Variants in PANK2 observed in about 807,000 individuals in gnomAD.
PANK2 encodes pantothenate kinase 2, mitochondrial.
PANK2 carries 36 observed loss-of-function variants against 43.1 expected under a neutral mutation model. The observed-to-expected ratio is 0.84, with a 90% CI of 0.64 to 1.10. PANK2 has a LOEUF of 1.10. PANK2 is among the 50% of genes least tolerant of loss of function. The probability of loss-of-function intolerance (pLI) is 0.00; values close to 1 mark genes in which losing one functional copy is unlikely to be tolerated. For synonymous variants in PANK2, 281 were observed against 238.2 expected (o/e 1.18, Z -1.66); for missense variants, 576 against 593.3 (o/e 0.97, Z 0.30).
intron 1 of PANK2, among the ~76,000 whole-genome samples, chr20:3,895,703 T>G (rs1197867151): frequency 6.6e-6 from 1 of 152,162 alleles, no homozygotes; most frequent in East Asian, 1.9e-4. Flanking sequence ...TAAGACTGAC[T>G]GGGATGTGAA....
At chr20:3,913,051 G>A (rs961104480) in intron 4 of PANK2, among the ~76,000 whole-genome samples, 1 of 150,638 alleles carries the variant, frequency 6.6e-6, no homozygotes, top group East Asian at 2.0e-4. Context: ...GTACAATTTA[G>A]TGGTTTCTAG....
upstream of PANK2, chr20:3,889,056 G>C (rs1326179730): frequency 5.5e-6 from 8 of 1,466,304 alleles, no homozygotes; most frequent in Admixed American, 6.5e-5. Flanking sequence ...CCGCGGCCCG[G>C]GGGGGCAGAG....
intron 3 of PANK2, among the ~76,000 whole-genome samples, chr20:3,911,242 G>T (rs922044736): frequency 6.6e-6 from 1 of 152,206 alleles, no homozygotes; most frequent in South Asian, 2.1e-4. Flanking sequence ...TGATTTAGAA[G>T]TTGATATGTA....
chr20:3,914,075 C>T (rs568930131), intron 4 of PANK2, among the ~76,000 whole-genome samples: 5 of 152,118 alleles, frequency 3.3e-5, no homozygotes, highest in Admixed American at 6.6e-5. Context: ...AGGCGTGAGC[C>T]ACTGCGCCTG....
intron 1 of PANK2, among the ~76,000 whole-genome samples, chr20:3,897,576 C>T (rs1001753096): frequency 1.1e-4 from 16 of 152,026 alleles, no homozygotes; most frequent in African/African-American, 3.4e-4. Context: ...ACCTGTAGTC[C>T]AGCTACTTGG....
Position 3,889,582 on chromosome 20 carries a change from A to T in PANK2, c.152A>T (p.Glu51Val). The stretch of plus-strand genomic sequence containing the variant: ...GGGGACCCCGAAGGGCGGCGGCAGG[A>T]GCCACTGCGGCGCCGGGCGAGCAGC... Residue 51 changes from glutamate (E) to valine (V), a missense_variant, in exon 1 of 7, where the codon GAG (glutamate) becomes GTG (valine). Transcript: ENST00000610179. 3 of 1,482,114 alleles carry T rather than the reference A, an allele frequency of 2.0e-6. No homozygotes were observed. Among genetic ancestry groups the T allele is most frequent in the Non-Finnish European group, 2.7e-6 (3 of 1,124,086 alleles). 91.8% of individuals were successfully genotyped at this position (1,482,114 alleles called of 1,614,324 possible).
intron 1 of PANK2, chr20:3,890,047 G>C (rs1246717087): frequency 8.6e-6 from 7 of 812,590 alleles, no homozygotes; most frequent in African/African-American, 5.3e-5. Context: ...CCTCGAGAAG[G>C]CTTCTTTTGA....
Position 3,889,623 on chromosome 20 carries a change from G to A in PANK2, c.193G>A (p.Val65Ile). Residue 65 changes from valine to isoleucine, a missense_variant, in exon 1 of 7, where the codon GTC becomes ATC. Transcript: ENST00000610179. ...GGCGAGCAGCGCGTCGGTGCCCGCG[G>A]TCGGGGCCTCGGCTGAGGGCACGAG... The A allele has an allele frequency of 6.4e-7, 1 of 1,550,628 alleles. No individual in the cohort carries two copies. The highest frequency in any genetic ancestry group is 8.6e-7 in the Non-Finnish European group (1 of 1,157,742).
chr20:3,912,759 G>C (rs998334559), intron 4 of PANK2, 125 bp downstream of exon 4: 2 of 1,007,576 alleles, frequency 2.0e-6, no homozygotes, highest in Non-Finnish European at 2.9e-6. Context: ...AGACCAGCCT[G>C]GCCAACATAG....
upstream of PANK2, chr20:3,888,811 G>A (rs1371669483): frequency 7.1e-6 from 3 of 420,164 alleles, no homozygotes; most frequent in Non-Finnish European, 1.3e-5. Context: ...CTCCAACGCA[G>A]GCGGAAAGGA....
chr20:3,892,322 T>C (rs1355668702), intron 1 of PANK2, among the ~76,000 whole-genome samples: 1 of 142,310 alleles, frequency 7.0e-6, no homozygotes, highest in African/African-American at 2.6e-5. Context: ...GCAGCCTGTA[T>C]GATACAGTGA....
At chr20:3,893,931 G>GTTTTTTTTTTTT (rs374582085) in intron 1 of PANK2, among the ~76,000 whole-genome samples, 4 of 73,162 alleles carry the variant, frequency 5.5e-5, no homozygotes, top group Non-Finnish European at 6.2e-5. Context: ...TTTGTTTTTT[G>GTTTTTTTTTTTT]TTTTTTTTTT....
chr20:3,921,917 G>A (rs1473190774), intron 6 of PANK2: 2 of 152,096 alleles, frequency 1.3e-5, no homozygotes, highest in African/African-American at 4.8e-5. Context: ...TTGCCATATT[G>A]GCCAGGCTGG....
chr20:3,901,748 A>C (rs1429760538), intron 1 of PANK2: 1 of 310,776 alleles, frequency 3.2e-6, no homozygotes, highest in Non-Finnish European at 4.7e-6. Flanking sequence ...TTCATCTACC[A>C]ATTATGTTAG....
chr20:3,912,628 C>G lies in PANK2; in HGVS notation c.1076C>G (p.Ala359Gly). The G allele has an allele frequency of 6.2e-7, 1 of 1,613,906 alleles. No homozygotes were observed. The highest frequency in any genetic ancestry group is 8.5e-7 in the Non-Finnish European group (1 of 1,179,966). Residue 359 changes from alanine to glycine, a missense_variant, in exon 4 of 7, where the codon GCT (alanine) becomes GGT (glycine). Transcript: ENST00000610179. Reference sequence around the variant, plus strand: ...TTTGGACTGCCAGGCTGGGCTGTGGCTTCAAGGTAAGGGGGCATGTGTGTT... The same window carrying G: ...TTTGGACTGCCAGGCTGGGCTGTGGGTTCAAGGTAAGGGGGCATGTGTGTT...
upstream of PANK2, chr20:3,888,978 A>ACGCC: frequency 1.3e-6 from 1 of 756,104 alleles, no homozygotes; most frequent in Non-Finnish European, 2.1e-6. Flanking sequence ...GCTGGGCTGG[A>ACGCC]GGAGGGCTCG....
At chr20:3,895,154 A>T (rs974535344) in intron 1 of PANK2, among the ~76,000 whole-genome samples, 7 of 152,002 alleles carry the variant, frequency 4.6e-5, no homozygotes, top group Non-Finnish European at 1.0e-4. Context: ...CACACCTGTA[A>T]TCCCAGCTAC....
chr20:3,900,849 A>G (rs2090288684), intron 1 of PANK2, among the ~76,000 whole-genome samples: 1 of 151,756 alleles, frequency 6.6e-6, no homozygotes, highest in Admixed American at 6.6e-5. Flanking sequence ...GCTCACTGCA[A>G]CCTCTGCCTC....
At chr20:3,889,084 GC>G, upstream of PANK2, 1 of 1,524,786 alleles carries the variant, frequency 6.6e-7, no homozygotes, top group Non-Finnish European at 8.8e-7. Flanking sequence ...CAAGTGGGGG[GC>G]GGAAGGAGGG....
Sources: allele counts gnomAD v4.1 joint callset (sites outside exome capture counted in the v4.1 genomes callset), GRCh38; gene constraint gnomAD v4.1.1; transcripts MANE v1.5; gene names NCBI Gene and HGNC (gene_info 2026-07-23, HGNC 2026-07-21).